Variants in PTPRK observed in about 807,000 individuals in gnomAD.
PTPRK encodes the protein receptor-type tyrosine-protein phosphatase kappa.
PTPRK carries 75 observed loss-of-function variants against 178.0 expected under a neutral mutation model. The observed-to-expected ratio is 0.42, with a 90% CI of 0.35 to 0.51. The LOEUF (loss-of-function observed/expected upper bound fraction) is 0.51. PTPRK is among the 20% of genes least tolerant of loss of function. The pLI, the probability that PTPRK is intolerant of heterozygous loss-of-function variation, is 0.02. For synonymous variants in PTPRK, 637 were observed against 620.6 expected (o/e 1.03, Z -0.39); for missense variants, 1,441 against 1,797.8 (o/e 0.80, Z 3.59).
At chr6:128,419,741 T>G (rs1843263861) in intron 1 of PTPRK, among the ~76,000 whole-genome samples, 1 of 152,204 alleles carries the variant, frequency 6.6e-6, no homozygotes, top group South Asian at 2.1e-4. Context: ...TCATTGCCAG[T>G]GTTGTGGAGC....
At chr6:128,090,271 C>A (rs1422091399) in intron 7 of PTPRK, among the ~76,000 whole-genome samples, 4 of 152,130 alleles carry the variant, frequency 2.6e-5, no homozygotes, top group Non-Finnish European at 5.9e-5. Flanking sequence ...AGCCGCCATG[C>A]ATTTATAGTT....
At chr6:128,114,026 C>T (rs1791094252) in intron 7 of PTPRK, among the ~76,000 whole-genome samples, 1 of 152,084 alleles carries the variant, frequency 6.6e-6, no homozygotes, top group Non-Finnish European at 1.5e-5. Flanking sequence ...TCAAGTAAGG[C>T]TTCCTTGAAG....
rs866062551 is a variant in PTPRK, at chr6:128,057,589, T to A, written c.2194+7169A>T. The stretch of plus-strand genomic sequence containing the variant: ...CACATGTGCTGTCCCAATTCCATCC[T>A]GGAGAAATTAAGCATGTCCTGTGTG... On this transcript the variant is annotated intron_variant, in intron 13 of 29. Transcript: ENST00000368226. 5.5e-4 allele frequency among the ~76,000 whole-genome samples: 83 copies of A among 152,214 alleles called. 1 individual carries two copies. The highest frequency in any genetic ancestry group is 2.0e-3 in the African/African-American group (81 of 41,466).
At chr6:128,233,161 C>T (rs1217919550) in intron 5 of PTPRK, among the ~76,000 whole-genome samples, 1 of 152,144 alleles carries the variant, frequency 6.6e-6, no homozygotes, top group Non-Finnish European at 1.5e-5. Context: ...TCTGGGCTTG[C>T]CAAATGGCAA....
Position 127,991,391 on chromosome 6 carries a change from C to A in PTPRK, c.2882G>T (p.Gly961Val). The A allele has an allele frequency of 6.4e-7, 1 of 1,558,936 alleles. No individual in the cohort carries two copies. Among genetic ancestry groups the A allele is most frequent in the South Asian group, 1.3e-5 (1 of 79,198 alleles). The change falls in exon 20 of 30, where the codon GGT (glycine) becomes GTT (valine). Residue 961 changes from glycine (G) to valine (V), a missense_variant and splice_region_variant. By Grantham distance (109) the Gly-to-Val change is moderately radical. Coordinates refer to ENST00000368226, the MANE Select transcript of PTPRK (RefSeq NM_002844.4). Reference sequence around the variant, plus strand: ...ATCATACACTGTTTCATGAACGGGACCTACAAAGAAATTAATTTGAATATT... The same window carrying A: ...ATCATACACTGTTTCATGAACGGGAACTACAAAGAAATTAATTTGAATATT... Reference protein sequence around the residue: ...QRPSHYIATQGPVHETVYDFW... With the variant: ...QRPSHYIATQVPVHETVYDFW...
At chr6:128,158,307 G>T (rs762232213) in intron 7 of PTPRK, among the ~76,000 whole-genome samples, 1 of 151,858 alleles carries the variant, frequency 6.6e-6, no homozygotes, top group Non-Finnish European at 1.5e-5. Flanking sequence ...AATACCTAAT[G>T]TAAATGATGA....
intron 27 of PTPRK, among the ~76,000 whole-genome samples, chr6:127,975,437 C>T (rs1224860877): frequency 2.0e-5 from 3 of 152,072 alleles, no homozygotes; most frequent in Admixed American, 6.6e-5. Context: ...ATTCCATTCC[C>T]TGCTCATAGT....
intron 2 of PTPRK, among the ~76,000 whole-genome samples, chr6:128,388,993 T>C (rs1314358700): frequency 6.6e-6 from 1 of 152,168 alleles, no homozygotes; most frequent in African/African-American, 2.4e-5. Flanking sequence ...TTGATGAAGT[T>C]TGTAAAACTG....
rs9491927 is a variant in PTPRK, at chr6:128,207,805, C to A, written c.868+11117G>T. Among the ~76,000 whole-genome samples the A allele has an allele frequency of 5.6e-3, 858 of 152,124 alleles. 8 individuals are homozygous for A. Among genetic ancestry groups the A allele is most frequent in the African/African-American group, 0.02 (824 of 41,532 alleles). ...ACTTCCTTTAAATTAAGTATCTTAC[C>A]CACCCATTTTTCCCCTTTTCACTGA... On this transcript the variant is annotated intron_variant, in intron 6 of 29. Coordinates refer to ENST00000368226, the MANE Select transcript of PTPRK (RefSeq NM_002844.4).
chr6:128,133,373 T>C (rs1794549241), intron 7 of PTPRK, among the ~76,000 whole-genome samples: 1 of 152,052 alleles, frequency 6.6e-6, no homozygotes, highest in African/African-American at 2.4e-5. Flanking sequence ...GAAATAAATT[T>C]GAGAATATAA....
chr6:128,090,337 G>GA (rs1786706490), intron 7 of PTPRK, among the ~76,000 whole-genome samples: 1 of 152,084 alleles, frequency 6.6e-6, no homozygotes, highest in African/African-American at 2.4e-5. Context: ...TTGAGCAAGT[G>GA]AATCAGCTAA....
At chr6:128,514,369 G>GGT (rs1857615697) in intron 1 of PTPRK, among the ~76,000 whole-genome samples, 2 of 120,738 alleles carry the variant, frequency 1.7e-5, no homozygotes, top group African/African-American at 6.8e-5. Flanking sequence ...GCATTGTTAA[G>GGT]ATGTGTGTGT....
At chr6:128,291,785 C>A (rs1412851989) in intron 3 of PTPRK, among the ~76,000 whole-genome samples, 1 of 152,102 alleles carries the variant, frequency 6.6e-6, no homozygotes, top group Non-Finnish European at 1.5e-5. Flanking sequence ...ACAATACATT[C>A]TCAATTTCTC....
intron 1 of PTPRK, among the ~76,000 whole-genome samples, chr6:128,426,630 T>C (rs561771676): frequency 1.3e-5 from 2 of 152,340 alleles, no homozygotes; most frequent in Non-Finnish European, 2.9e-5. Context: ...AGGAACAAGA[T>C]GTAACATTTT....
At chr6:128,431,793 T>G (rs1346946320) in intron 1 of PTPRK, among the ~76,000 whole-genome samples, 1 of 152,204 alleles carries the variant, frequency 6.6e-6, no homozygotes, top group Non-Finnish European at 1.5e-5. Flanking sequence ...TACCTAACAC[T>G]AAAACTGTTT....
Position 128,244,498 on chromosome 6 carries a change from G to T in PTPRK, c.496-1896C>A, listed in dbSNP as rs544516168. ...AAAGAAAGGGTGGTGGTACCAGGAG[G>T]TTTCAAGCAGGTCAACACTCCTAAT... On this transcript the variant is annotated intron_variant, in intron 3 of 29. Coordinates refer to ENST00000368226, the MANE Select transcript of PTPRK (RefSeq NM_002844.4). Among the ~76,000 whole-genome samples, 6 of 152,240 alleles carry T rather than the reference G, an allele frequency of 3.9e-5. No individual in the cohort carries two copies. The East Asian group carries it at 1.2e-3, about 29-fold the overall frequency.
intron 2 of PTPRK, among the ~76,000 whole-genome samples, chr6:128,361,662 T>C (rs1834768225): frequency 6.6e-6 from 1 of 152,240 alleles, no homozygotes; most frequent in Non-Finnish European, 1.5e-5. Flanking sequence ...GGTGCTGTAC[T>C]GAATACTGTA....
chr6:128,100,298 T>A (rs1176444843), intron 7 of PTPRK, among the ~76,000 whole-genome samples: 1 of 152,048 alleles, frequency 6.6e-6, no homozygotes, highest in Admixed American at 6.5e-5. Context: ...AGAGTCATGA[T>A]CTTTTTTGAG....
chr6:127,991,459 A>G (rs1776598295), intron 19 of PTPRK, 68 bp from the exon 20 acceptor site: 1 of 1,240,380 alleles, frequency 8.1e-7, no homozygotes, highest in South Asian at 1.7e-5. Flanking sequence ...AGTTTAGCTA[A>G]GATAAGAAGC....
Sources: allele counts gnomAD v4.1 joint callset (sites outside exome capture counted in the v4.1 genomes callset), GRCh38; gene constraint gnomAD v4.1.1; transcripts MANE v1.5; gene names NCBI Gene and HGNC (gene_info 2026-07-23, HGNC 2026-07-21).